The following PKD1L1 variants were observed in gnomAD, a reference collection of about 807,000 sequenced individuals.
PKD1L1 encodes polycystin 1 like 1, transient receptor potential channel interacting.
A neutral mutation model predicts 323.4 loss-of-function variants in PKD1L1; 236 were observed. The ratio of observed to expected loss-of-function variants is 0.73; its 90% CI spans 0.66 to 0.81. The LOEUF (loss-of-function observed/expected upper bound fraction) is 0.81. Among genes scored for constraint, PKD1L1 ranks in the 40% least tolerant of loss-of-function variants. The pLI is 0.00. For synonymous variants in PKD1L1, 1,344 were observed against 1,335.0 expected (o/e 1.01, Z -0.15); for missense variants, 3,320 against 3,508.0 (o/e 0.95, Z 1.35).
rs1411493746 is a variant in PKD1L1 at position 47,775,116 on chromosome 7, T to C, written c.*27A>G. 5 of 1,612,040 alleles carry C rather than the reference T, an allele frequency of 3.1e-6. No individual in the cohort carries two copies. The African/African-American group carries it at 5.3e-5, about 17-fold the overall frequency. ...GGTGGGTTAAGCAAAACAGGGTCCA[T>C]AGTGCCTATGCAAGGTACCAGGCTC... On this transcript the variant is annotated 3_prime_UTR_variant, in exon 57 of 57. Transcript: ENST00000289672.
chr7:47,822,573 T>C (rs1785163316), intron 45 of PKD1L1, among the ~76,000 whole-genome samples: 1 of 109,996 alleles, frequency 9.1e-6, no homozygotes, highest in Admixed American at 1.5e-4. Flanking sequence ...CCAGCCTGGG[T>C]GACAAAGTGA....
At chr7:47,931,477 A>G (rs1367641144) in intron 5 of PKD1L1, among the ~76,000 whole-genome samples, 156 bp from the exon 6 acceptor site, 2 of 152,376 alleles carry the variant, frequency 1.3e-5, no homozygotes, top group East Asian at 1.9e-4. Flanking sequence ...GGCCCCGTGC[A>G]TTGGCGCTAT....
At position 47,883,820 on chromosome 7, in the gene PKD1L1, C is replaced by T. The variant is rs186892769; in HGVS notation, c.3265+778G>A. 2.6e-5 allele frequency among the ~76,000 whole-genome samples: 4 copies of T among 152,340 alleles called. 1 individual carries two copies. Among genetic ancestry groups the T allele is most frequent in the Admixed American group, 2.6e-4 (4 of 15,298 alleles). On this transcript the variant is annotated intron_variant, in intron 19 of 56. Coordinates refer to ENST00000289672, the MANE Select transcript of PKD1L1 (RefSeq NM_138295.5). ...TTCACTCATCAGCCATTTATCGATT[C>T]ATTCATCAAATAAGTCATTTACCTA... is the stretch of plus-strand genomic sequence containing the variant.
chr7:47,781,388 T>G (rs1028410914), intron 56 of PKD1L1, among the ~76,000 whole-genome samples: 6 of 112,744 alleles, frequency 5.3e-5, no homozygotes, highest in African/African-American at 1.5e-4. Context: ...GAACAAAAGG[T>G]TTTTTTTTTT....
At chr7:47,833,941 A>T (rs931580052) in intron 40 of PKD1L1, among the ~76,000 whole-genome samples, 4 of 152,198 alleles carry the variant, frequency 2.6e-5, no homozygotes, top group Non-Finnish European at 5.9e-5. Flanking sequence ...CCTCACAAGG[A>T]GGTGGAGAAG....
Position 47,822,738 on chromosome 7 carries a change from C to T in PKD1L1, c.6855-1552G>A, listed in dbSNP as rs140760071. The stretch of plus-strand genomic sequence containing the variant: ...TCTCCATTTATTCAGATCTTCCTGA[C>T]TTCTTTCATCAGTGTTTTGTGGTTT... On this transcript the variant is annotated intron_variant, in intron 45 of 56. Transcript: ENST00000289672. Among the ~76,000 whole-genome samples, 240 of 152,102 alleles carry T rather than the reference C, an allele frequency of 1.6e-3. 1 individual carries two copies. The highest frequency in any genetic ancestry group is 0.01 in the Middle Eastern group (3 of 294).
At chr7:47,893,229 C>CAAA (rs529686945) in intron 15 of PKD1L1, among the ~76,000 whole-genome samples, 12 of 52,964 alleles carry the variant, frequency 2.3e-4, no homozygotes, top group Non-Finnish European at 3.3e-4. Context: ...GACCCTATCT[C>CAAA]AAAAAAAAAA....
chr7:47,950,952 T>C (rs1788195901), upstream of PKD1L1, among the ~76,000 whole-genome samples: 1 of 152,194 alleles, frequency 6.6e-6, no homozygotes, highest in Non-Finnish European at 1.5e-5. Context: ...CTCCTCCACC[T>C]GGGGTTTGCC....
At chr7:47,948,298 G>T in intron 1 of PKD1L1, 99 bp downstream of exon 1, 1 of 1,403,366 alleles carries the variant, frequency 7.1e-7, no homozygotes, top group South Asian at 1.2e-5. Flanking sequence ...GTGCCAGAGT[G>T]AGCCCACATC....
At chr7:47,853,772 A>C (rs986069374) in intron 30 of PKD1L1, among the ~76,000 whole-genome samples, 4 of 151,634 alleles carry the variant, frequency 2.6e-5, no homozygotes, top group African/African-American at 9.7e-5. Flanking sequence ...AAACCAAAAA[A>C]AAAAAAAAAA....
intron 30 of PKD1L1, among the ~76,000 whole-genome samples, chr7:47,854,187 C>T (rs571119125): frequency 1.3e-5 from 2 of 152,264 alleles, no homozygotes; most frequent in Admixed American, 6.5e-5. Context: ...TGGACAGCGC[C>T]TGTGTAAGAT....
At chr7:47,882,108 T>G in intron 19 of PKD1L1, 23 bp from the exon 20 acceptor site, 1 of 1,609,898 alleles carries the variant, frequency 6.2e-7, no homozygotes, top group South Asian at 1.1e-5. Flanking sequence ...ACCAAGCCAA[T>G]AGATGTTAAA....
In PKD1L1 at chr7:47,805,559, G is replaced by T. The variant is rs559234835; in HGVS notation, c.7828-2215C>A. Reference sequence around the variant, plus strand: ...GAGGGCACCTCAGAAGACAAACATGGTCTACACTGCACATTTCTGAAAAGC... The same window carrying T: ...GAGGGCACCTCAGAAGACAAACATGTTCTACACTGCACATTTCTGAAAAGC... On this transcript the variant is annotated intron_variant, in intron 52 of 56. Transcript: ENST00000289672. Among the ~76,000 whole-genome samples, 5 of 152,334 alleles carry T rather than the reference G, an allele frequency of 3.3e-5. No homozygotes were observed. The East Asian group carries it at 9.6e-4, about 29-fold the overall frequency.
In PKD1L1 at chr7:47,800,772, C is replaced by G; in HGVS notation, c.8070G>C (p.Leu2690=). 1 of 1,614,108 alleles carries G rather than the reference C, an allele frequency of 6.2e-7. No individual in the cohort carries two copies. The highest frequency in any genetic ancestry group is 8.5e-7 in the Non-Finnish European group (1 of 1,180,026). The change falls in exon 54 of 57, where the codon CTG becomes CTC. Residue 2690 remains leucine (L), a synonymous_variant. Transcript: ENST00000289672. ...TTTGGCTTCTTCTGGGAAAATGAAACAGCAGCCCGGGGAAGGCGTCTGTGA... is the reference window on the plus strand; with the variant it reads ...TTTGGCTTCTTCTGGGAAAATGAAAGAGCAGCCCGGGGAAGGCGTCTGTGA... ...GTFTDAFPGL[L]FHFPRRSQKD...
chr7:47,948,023 G>C (rs998709163), intron 1 of PKD1L1, among the ~76,000 whole-genome samples: 4 of 152,174 alleles, frequency 2.6e-5, no homozygotes, highest in Admixed American at 1.3e-4. Context: ...TCCTGTGCCA[G>C]GTTTCTCCTG....
chr7:47,899,828 C>T (rs146427388), intron 13 of PKD1L1, among the ~76,000 whole-genome samples: 1,783 of 151,966 alleles, frequency 0.012, 21 homozygotes, highest in South Asian at 0.046. Flanking sequence ...TGGTGGCGGA[C>T]GCCTGTAGTC....
chr7:47,958,228 T>C, the PKD1L1 span, among the ~76,000 whole-genome samples: 1 of 152,200 alleles, frequency 6.6e-6, no homozygotes, highest in Non-Finnish European at 1.5e-5. Flanking sequence ...AACAGCATGG[T>C]ACTGGTATAA....
At chr7:47,787,701 T>C (rs748377560) in intron 56 of PKD1L1, among the ~76,000 whole-genome samples, 4 of 152,174 alleles carry the variant, frequency 2.6e-5, no homozygotes, top group Non-Finnish European at 5.9e-5. Context: ...TAAAATGCTG[T>C]GGTGGGACTT....
intron 7 of PKD1L1, among the ~76,000 whole-genome samples, chr7:47,918,581 G>C (rs1787476237): frequency 6.6e-6 from 1 of 151,990 alleles, no homozygotes; most frequent in South Asian, 2.1e-4. Context: ...ATTCAATAGT[G>C]TATAGAACTT....
Sources: allele counts gnomAD v4.1 joint callset (sites outside exome capture counted in the v4.1 genomes callset), GRCh38; gene constraint gnomAD v4.1.1; transcripts MANE v1.5; gene names NCBI Gene and HGNC (gene_info 2026-07-23, HGNC 2026-07-21).